The following TPCN2 variants were observed in gnomAD, a reference collection of about 807,000 sequenced individuals.
The protein encoded by TPCN2 is two pore segment channel 2.
TPCN2 carries 92 observed loss-of-function variants against 111.4 expected under a neutral mutation model. That is an observed-to-expected ratio of 0.83 (90% confidence interval 0.70 to 0.98). The LOEUF (loss-of-function observed/expected upper bound fraction) is 0.98. Among genes scored for constraint, TPCN2 ranks in the 50% least tolerant of loss-of-function variants. TPCN2 has a pLI of 0.00. For missense variants in TPCN2, 995 were observed against 980.1 expected (o/e 1.02, Z -0.20); for synonymous variants, 405 against 414.5 (o/e 0.98, Z 0.28).
At position 69,051,334 on chromosome 11, in the gene TPCN2, G is replaced by A. The variant is rs1354648235; in HGVS notation, c.109+2228G>A. Among the ~76,000 whole-genome samples, 6 of 152,278 alleles carry A rather than the reference G, an allele frequency of 3.9e-5. No homozygotes were observed. The South Asian group carries it at 6.2e-4, about 16-fold the overall frequency. Reference sequence around the variant, plus strand: ...TCAGAGGACAAGGGATTGCGATGCTGTAGAGGCTTTCAGAGTAACTGAATG... The same window carrying A: ...TCAGAGGACAAGGGATTGCGATGCTATAGAGGCTTTCAGAGTAACTGAATG... On this transcript the variant is annotated intron_variant, in intron 1 of 24. Coordinates refer to ENST00000294309, the MANE Select transcript of TPCN2 (RefSeq NM_139075.4).
rs1590758851 is a variant in TPCN2, at chr11:69,088,265, C to T, written c.*312C>T. On this transcript the variant is annotated 3_prime_UTR_variant, in exon 25 of 25. Transcript: ENST00000294309. ...TGCAAGAAGCAGCGGCCTCCCCTGT[C>T]CCCTGCAGCTTCCGTGGTGCCTTTG... 6.1e-6 allele frequency: 2 copies of T among 329,120 alleles called. No homozygotes were observed. The highest frequency in any genetic ancestry group is 1.1e-5 in the Non-Finnish European group (2 of 176,114). The allele number at this position is 329,120 out of a possible 1,614,324, so 20.4% of individuals were successfully genotyped here. A position where few individuals can be genotyped will look rare whatever the true frequency, so the allele number is the denominator to read the frequency against.
At chr11:69,081,193 C>T (rs1441081896) in intron 17 of TPCN2, among the ~76,000 whole-genome samples, 1 of 152,078 alleles carries the variant, frequency 6.6e-6, no homozygotes, top group Non-Finnish European at 1.5e-5. Context: ...TCCGGGGCTG[C>T]AGGTGGAAGC....
At chr11:69,081,917 G>A (rs977957323) in intron 18 of TPCN2, among the ~76,000 whole-genome samples, 14 of 152,124 alleles carry the variant, frequency 9.2e-5, no homozygotes, top group Non-Finnish European at 1.8e-4. Context: ...TAATGCGGGC[G>A]CAGGTGGCTC....
chr11:69,056,175 C>T (rs900996422), intron 4 of TPCN2, among the ~76,000 whole-genome samples: 3 of 152,218 alleles, frequency 2.0e-5, no homozygotes, highest in Non-Finnish European at 2.9e-5. Context: ...TGGCTGCAGC[C>T]CTCCTCAGCG....
chr11:69,085,695 G>A lies in TPCN2; in HGVS notation c.1863G>A (p.Ala621=), dbSNP rs375217153. 81 of 1,613,740 alleles carry A rather than the reference G, an allele frequency of 5.0e-5. No homozygotes were observed. The highest frequency in any genetic ancestry group is 1.6e-4 in the Middle Eastern group (1 of 6,070). Residue 621 remains alanine (A), a synonymous_variant, in exon 21 of 25, where the codon GCG becomes GCA. Transcript: ENST00000294309. ...NSSLAPANGS[A]PCGSFEQLEY... ...GCCTGGCCCCTGCCAATGGCTCGGC[G>A]CCCTGTGGGAGCTTCGAGCAGCTGG...
At chr11:69,081,148 G>A (rs919986529) in intron 17 of TPCN2, among the ~76,000 whole-genome samples, 14 of 151,878 alleles carry the variant, frequency 9.2e-5, no homozygotes, top group African/African-American at 3.4e-4. Context: ...TCCCGCAAGG[G>A]CTGGCTGGGA....
intron 17 of TPCN2, among the ~76,000 whole-genome samples, 180 bp downstream of exon 17, chr11:69,080,063 C>T (rs557750119): frequency 1.3e-5 from 2 of 152,326 alleles, no homozygotes; most frequent in Admixed American, 6.5e-5. Flanking sequence ...AGGGCCCTGC[C>T]GTCGCTCTGG....
At chr11:69,067,029 G>A (rs1287359227) in intron 7 of TPCN2, among the ~76,000 whole-genome samples, 3 of 152,188 alleles carry the variant, frequency 2.0e-5, no homozygotes, top group Non-Finnish European at 4.4e-5. Context: ...ACTGAGTCCC[G>A]TGGGTGGCTA....
At position 69,071,460 on chromosome 11, in the gene TPCN2, C is replaced by T. The variant is rs374427252; in HGVS notation, c.960+40C>T. ...CAATGCTGGCTGTGCCTGGAGCTGC[C>T]GGGAGGCCAAGCAGGGTGTGGCTTG... On this transcript the variant is annotated intron_variant, in intron 10 of 24. Coordinates refer to ENST00000294309, the MANE Select transcript of TPCN2 (RefSeq NM_139075.4). The T allele has an allele frequency of 2.0e-4, 320 of 1,586,124 alleles. 1 individual carries two copies. Among genetic ancestry groups the T allele is most frequent in the South Asian group, 8.1e-4 (72 of 88,768 alleles).
chr11:69,081,371 C>A (rs1269498139), intron 17 of TPCN2, 29 bp from the exon 18 acceptor site: 5 of 1,509,218 alleles, frequency 3.3e-6, no homozygotes, highest in Non-Finnish European at 4.5e-6. Context: ...CTGGGCTCCT[C>A]CCAACCCGCC....
chr11:69,059,513 C>T (rs949466659), intron 5 of TPCN2, among the ~76,000 whole-genome samples: 3 of 152,226 alleles, frequency 2.0e-5, no homozygotes, highest in Non-Finnish European at 2.9e-5. Flanking sequence ...GAGACAGCCC[C>T]GCCAAGTGGC....
chr11:69,050,299 A>T (rs1861164051), intron 1 of TPCN2, among the ~76,000 whole-genome samples: 1 of 152,220 alleles, frequency 6.6e-6, no homozygotes. Context: ...CCGTTCAGGG[A>T]ACACAGACTT....
At chr11:69,073,844 G>C (rs10896416) in intron 13 of TPCN2, among the ~76,000 whole-genome samples, 65,856 of 150,898 alleles carry the variant, frequency 0.44, 14,730 homozygotes, top group Non-Finnish European at 0.5. Context: ...GTAGATGCCA[G>C]CCTCTCCCTG....
At chr11:69,078,454 C>G (rs776795749) in intron 13 of TPCN2, 28 bp from the exon 14 acceptor site, 10 of 1,613,078 alleles carry the variant, frequency 6.2e-6, no homozygotes, top group Non-Finnish European at 8.5e-6. Flanking sequence ...CTGGCCTGTG[C>G]TTCTGAGCAC....
intron 5 of TPCN2, among the ~76,000 whole-genome samples, chr11:69,060,943 C>T (rs1854993839): frequency 6.6e-6 from 1 of 152,234 alleles, no homozygotes; most frequent in Admixed American, 6.5e-5. Flanking sequence ...TTGGCCTTCT[C>T]AGTCCTGCGC....
chr11:69,064,883 TTGTA>T (rs1308309363), intron 7 of TPCN2, among the ~76,000 whole-genome samples: 3 of 151,458 alleles, frequency 2.0e-5, no homozygotes, highest in African/African-American at 4.9e-5. Context: ...GTGTGCGTGT[TTGTA>T]TGTGTGCATG....
At chr11:69,064,143 AC>A (rs1855154021) in intron 7 of TPCN2, among the ~76,000 whole-genome samples, 176 bp downstream of exon 7, 1 of 151,634 alleles carries the variant, frequency 6.6e-6, no homozygotes, top group Non-Finnish European at 1.5e-5. Flanking sequence ...GTGCTCCACC[AC>A]CCCACTGCCC....
chr11:69,067,131 C>T (rs1590723902), intron 7 of TPCN2, among the ~76,000 whole-genome samples: 1 of 152,226 alleles, frequency 6.6e-6, no homozygotes, highest in South Asian at 2.1e-4. Flanking sequence ...CCCCTCTGCT[C>T]CTCCTGCCCC....
chr11:69,073,085 AT>A, intron 13 of TPCN2, 84 bp downstream of exon 13: 1 of 1,014,716 alleles, frequency 9.9e-7, no homozygotes, highest in South Asian at 1.3e-5. Flanking sequence ...AACTCTTCTA[AT>A]GATCAGTGCT....
Sources: allele counts gnomAD v4.1 joint callset (sites outside exome capture counted in the v4.1 genomes callset), GRCh38; gene constraint gnomAD v4.1.1; transcripts MANE v1.5; gene names NCBI Gene and HGNC (gene_info 2026-07-23, HGNC 2026-07-21).